The following SERPINE2 variants were observed in gnomAD, a reference collection of about 807,000 sequenced individuals.
SERPINE2 encodes glia-derived nexin.
Under a neutral mutation model 36.3 loss-of-function variants are expected in SERPINE2, and 14 were observed. The observed-to-expected ratio is 0.39, with a 90% CI of 0.25 to 0.60. The LOEUF is 0.60. Ranked by LOEUF, SERPINE2 falls within the 20% of genes least tolerant of loss-of-function variation. SERPINE2 has a pLI of 0.57. For synonymous variants in SERPINE2, 192 were observed against 191.8 expected, an observed-to-expected ratio of 1.00 and a Z score of -0.01; for missense variants, 418 against 499.6, an observed-to-expected ratio of 0.84 and a Z score of 1.56.
At chr2:223,981,941 A>T (rs1690240596) in intron 6 of SERPINE2, 1 of 152,174 alleles carries the variant, frequency 6.6e-6, no homozygotes, top group African/African-American at 2.4e-5. Flanking sequence ...AAAAGTTGGC[A>T]TTTGAAAACA....
chr2:224,030,619 C>T (rs1271145257), intron 1 of SERPINE2: 1 of 152,334 alleles, frequency 6.6e-6, no homozygotes, highest in Non-Finnish European at 1.5e-5. Context: ...AAACCAAAGC[C>T]CGCTGGCCTC....
chr2:224,001,414 C>G (rs1344356065), intron 2 of SERPINE2: 35 of 496,444 alleles, frequency 7.1e-5, no homozygotes, highest in Non-Finnish European at 7.1e-6. Flanking sequence ...AGTGGCAGAC[C>G]CCAAGCTCCA....
At chr2:224,024,982 T>C (rs73992316) in intron 1 of SERPINE2, among the ~76,000 whole-genome samples, 5,555 of 152,202 alleles carry the variant, frequency 0.036, 323 homozygotes, top group African/African-American at 0.13. Context: ...GAGACAATGA[T>C]CCCCAACAAT....
chr2:223,997,251 C>T (rs373896864), intron 3 of SERPINE2, among the ~76,000 whole-genome samples: 2 of 152,076 alleles, frequency 1.3e-5, no homozygotes, highest in South Asian at 4.1e-4. Flanking sequence ...GACACAGTCT[C>T]ATTCTGTTGC....
intron 1 of SERPINE2, among the ~76,000 whole-genome samples, chr2:224,023,108 T>TAA (rs1692067142): frequency 1.3e-5 from 2 of 152,218 alleles, no homozygotes; most frequent in African/African-American, 4.8e-5. Context: ...TATAGCAAGG[T>TAA]GAGAACAGAC....
intron 1 of SERPINE2, among the ~76,000 whole-genome samples, chr2:224,015,148 A>C (rs746831230): frequency 5.9e-5 from 9 of 152,204 alleles, no homozygotes; most frequent in Non-Finnish European, 1.2e-4. Context: ...CCTGCAACAA[A>C]GAATTATCCA....
intron 4 of SERPINE2, among the ~76,000 whole-genome samples, chr2:223,988,820 CA>C (rs1559198513): frequency 6.6e-6 from 1 of 152,136 alleles, no homozygotes; most frequent in African/African-American, 2.4e-5. Context: ...TAGCATGATA[CA>C]TTTGTATTAT....
At chr2:224,023,983 T>C (rs184356234) in intron 1 of SERPINE2, among the ~76,000 whole-genome samples, 32 of 152,332 alleles carry the variant, frequency 2.1e-4, no homozygotes, top group South Asian at 6.2e-4. Flanking sequence ...CAGAAAGAGT[T>C]TGAACTGGGT....
At chr2:224,019,890 G>A (rs775095194) in intron 1 of SERPINE2, among the ~76,000 whole-genome samples, 2 of 151,748 alleles carry the variant, frequency 1.3e-5, no homozygotes, top group Non-Finnish European at 2.9e-5. Flanking sequence ...ATGTTTAGCA[G>A]TATTCCTGGC....
At position 223,991,872 on chromosome 2, in the gene SERPINE2, T is replaced by C. The variant is rs1461475289; in HGVS notation, c.616A>G (p.Thr206Ala). ...GATTTCCCGTCGGCTGCCACGAAAG[T>C]GCGTTTCTTTGTGTTCTCGGGTTGG... The part of the protein sequence containing the change: ...RFQPENTKKR[T>A]FVAADGKSYQ... The change falls in exon 4 of 9, where the codon ACT (threonine) becomes GCT (alanine). Residue 206 changes from threonine to alanine, a missense_variant. Physicochemically the swap from Thr to Ala is moderately conservative, Grantham distance 58 (BLOSUM62 0). Transcript: ENST00000409304. 4 of 1,613,168 alleles carry C rather than the reference T, an allele frequency of 2.5e-6. No homozygotes were observed. The highest frequency in any genetic ancestry group is 2.7e-5 in the African/African-American group (2 of 74,820).
In SERPINE2 at chr2:223,991,808, C is replaced by G; in HGVS notation, c.680G>C (p.Arg227Pro). The G allele has an allele frequency of 6.2e-7, 1 of 1,613,832 alleles. No individual in the cohort carries two copies. Among genetic ancestry groups the G allele is most frequent in the Non-Finnish European group, 8.5e-7 (1 of 1,180,032 alleles). The part of the protein sequence containing the change: ...VPMLAQLSVF[R>P]CGSTSAPNDL... ...TTCGCTGAGCATGAACTCACCACAC[C>G]GGAACACGGAGAGCTGGGCCAGCAT... Residue 227 changes from arginine (R) to proline (P), a missense_variant, in exon 4 of 9, where the codon CGG becomes CCG. Coordinates refer to ENST00000409304, the MANE Select transcript of SERPINE2 (RefSeq NM_001136528.2).
At chr2:224,032,203 A>G (rs1048646172) in intron 1 of SERPINE2, among the ~76,000 whole-genome samples, 1 of 152,236 alleles carries the variant, frequency 6.6e-6, no homozygotes, top group African/African-American at 2.4e-5. Flanking sequence ...CTTTATTTAC[A>G]TAGCACTTTC....
chr2:224,020,780 A>G (rs1574845206), intron 1 of SERPINE2, among the ~76,000 whole-genome samples: 1 of 152,226 alleles, frequency 6.6e-6, no homozygotes, highest in Non-Finnish European at 1.5e-5. Flanking sequence ...CATATAATGC[A>G]TGATTTAAAG....
chr2:223,986,888 G>A (rs944422586), intron 4 of SERPINE2, among the ~76,000 whole-genome samples: 2 of 152,114 alleles, frequency 1.3e-5, no homozygotes, highest in Non-Finnish European at 2.9e-5. Flanking sequence ...AGAAGCTGAT[G>A]ACCAGTGGTA....
intron 3 of SERPINE2, among the ~76,000 whole-genome samples, chr2:223,993,039 C>T (rs906651367): frequency 5.3e-5 from 8 of 151,992 alleles, no homozygotes; most frequent in South Asian, 2.1e-4. Flanking sequence ...GTGGGAGGGT[C>T]GCCCGAGCCC....
chr2:224,027,704 G>A (rs1650594365), intron 1 of SERPINE2, among the ~76,000 whole-genome samples: 1 of 152,064 alleles, frequency 6.6e-6, no homozygotes, highest in South Asian at 2.1e-4. Context: ...CATACCATAT[G>A]CCACTGTTCT....
rs1689957431 is a variant in SERPINE2, at chr2:223,975,214, CAAG to C, written c.*650_*652del. On this transcript the variant is annotated 3_prime_UTR_variant, in exon 9 of 9. Coordinates refer to ENST00000409304, the MANE Select transcript of SERPINE2 (RefSeq NM_001136528.2). ...TGTACAAAATACAAAAATGCAAATC[CAAG>C]GAGTACAGACCAGTAGTGACAGGCA... 1 of 152,524 alleles carries C rather than the reference CAAG, an allele frequency of 6.6e-6. No individual in the cohort carries two copies. The highest frequency in any genetic ancestry group is 1.5e-5 in the Non-Finnish European group (1 of 68,022). The allele number at this position is 152,524 out of a possible 1,614,324, so 9.4% of individuals were successfully genotyped here.
intron 1 of SERPINE2, chr2:224,030,903 A>G (rs1281243877): frequency 4.3e-6 from 4 of 932,334 alleles, no homozygotes; most frequent in Admixed American, 1.2e-4. Flanking sequence ...TTTAGATTTC[A>G]GTCCCAGAAA....
intron 4 of SERPINE2, among the ~76,000 whole-genome samples, chr2:223,985,524 A>G (rs1239249644): frequency 2.0e-5 from 3 of 152,262 alleles, no homozygotes; most frequent in East Asian, 3.9e-4. Context: ...TCTAGTCCTC[A>G]TTTTGGATAA....
Sources: gnomAD v4.1 joint callset for allele counts (sites outside exome capture counted in the v4.1 genomes callset) on GRCh38, gnomAD v4.1.1 for gene constraint, MANE v1.5 for transcripts, NCBI Gene and HGNC (gene_info 2026-07-23, HGNC 2026-07-21) for gene names.